Variants in PDCD10 observed in about 807,000 individuals in gnomAD.
The protein encoded by PDCD10 is programmed cell death protein 10.
PDCD10 carries 4 observed loss-of-function variants against 29.2 expected under a neutral mutation model. The observed-to-expected ratio is 0.14, with a 90% confidence interval of 0.07 to 0.31. The LOEUF (loss-of-function observed/expected upper bound fraction) is 0.31, where lower values mean the gene tolerates loss of function less well. Among genes scored for constraint, PDCD10 ranks in the 10% least tolerant of loss-of-function variants. PDCD10 has a pLI of 1.00. For synonymous variants in PDCD10, 70 were observed against 82.2 expected, an observed-to-expected ratio of 0.85 and a Z score of 0.80; for missense variants, 183 against 257.9, an observed-to-expected ratio of 0.71 and a Z score of 1.99.
intron 2 of PDCD10, among the ~76,000 whole-genome samples, chr3:167,726,828 C>A (rs185355691): frequency 8.0e-4 from 121 of 152,194 alleles, no homozygotes; most frequent in Middle Eastern, 3.4e-3. Context: ...AAAGTTTGTA[C>A]CCTAGGCATA....
intron 2 of PDCD10, among the ~76,000 whole-genome samples, chr3:167,722,632 T>C (rs1290162224): frequency 1.3e-5 from 2 of 152,126 alleles, no homozygotes; most frequent in Non-Finnish European, 2.9e-5. Flanking sequence ...GCTGGTAAGT[T>C]TTCAAGAATC....
rs1203088400 is a variant in PDCD10, at chr3:167,695,672, C to T, written c.319G>A (p.Ala107Thr). Residue 107 changes from alanine (A) to threonine (T), a missense_variant, in exon 6 of 9, where the codon GCA becomes ACA. Coordinates refer to ENST00000392750, the MANE Select transcript of PDCD10 (RefSeq NM_007217.4). ...CTGAGAATTTGTTTAAGTGCTCGTG[C>T]CTTTTCGTTTAGGTCTTGGAATTCT... ...EPEFQDLNEKARALKQILSKI... is the reference protein window; with the variant it reads ...EPEFQDLNEKTRALKQILSKI... 1 of 1,612,880 alleles carries T rather than the reference C, an allele frequency of 6.2e-7. No homozygotes were observed. Among genetic ancestry groups the T allele is most frequent in the South Asian group, 1.1e-5 (1 of 91,060 alleles).
At chr3:167,700,393 G>C (rs1448715258) in intron 4 of PDCD10, among the ~76,000 whole-genome samples, 1 of 152,004 alleles carries the variant, frequency 6.6e-6, no homozygotes, top group African/African-American at 2.4e-5. Context: ...AGTGATGTTG[G>C]AAGTGTGCTC....
chr3:167,687,767 T>C, intron 6 of PDCD10, 74 bp from the exon 7 acceptor site: 3 of 792,490 alleles, frequency 3.8e-6, no homozygotes, highest in South Asian at 1.4e-5. Flanking sequence ...TCAGCTACAT[T>C]TGAAAGAAAT....
chr3:167,687,727 T>C (rs754584968), intron 6 of PDCD10, 34 bp from the exon 7 acceptor site: 1 of 1,150,272 alleles, frequency 8.7e-7, no homozygotes, highest in Non-Finnish European at 1.3e-6. Context: ...ATCAGCTACA[T>C]TTGAAAGAAA....
intron 2 of PDCD10, among the ~76,000 whole-genome samples, chr3:167,722,206 A>G (rs899944820): frequency 2.0e-5 from 3 of 152,104 alleles, no homozygotes; most frequent in Non-Finnish European, 2.9e-5. Context: ...GCAAAACAAA[A>G]CCAAGAACAG....
At chr3:167,698,668 G>A (rs751432284) in intron 4 of PDCD10, among the ~76,000 whole-genome samples, 6 of 152,184 alleles carry the variant, frequency 3.9e-5, no homozygotes, top group Non-Finnish European at 8.8e-5. Flanking sequence ...ATATAATGTA[G>A]CATTCAGTAA....
chr3:167,688,178 T>C (rs1719833330), intron 6 of PDCD10, among the ~76,000 whole-genome samples: 1 of 152,204 alleles, frequency 6.6e-6, no homozygotes, highest in African/African-American at 2.4e-5. Flanking sequence ...GTATGCTAGA[T>C]ACCTATTAGT....
At chr3:167,725,404 T>C (rs1199035869) in intron 2 of PDCD10, 1 of 152,044 alleles carries the variant, frequency 6.6e-6, no homozygotes, top group Non-Finnish European at 1.5e-5. Flanking sequence ...TACGTACCTT[T>C]TTAGGGCTTT....
intron 2 of PDCD10, among the ~76,000 whole-genome samples, chr3:167,724,058 T>C (rs895818017): frequency 2.0e-5 from 3 of 152,152 alleles, no homozygotes; most frequent in Non-Finnish European, 4.4e-5. Flanking sequence ...CCTAACCAAC[T>C]CGAGTCTGCT....
At chr3:167,704,921 T>A (rs769512265) in intron 3 of PDCD10, 26 bp from the exon 4 acceptor site, 1 of 1,489,530 alleles carries the variant, frequency 6.7e-7, no homozygotes, top group Non-Finnish European at 9.3e-7. Context: ...TAAATTATTA[T>A]GAATATCAAC....
chr3:167,709,378 C>A (rs1020279879), intron 3 of PDCD10, among the ~76,000 whole-genome samples: 8 of 152,194 alleles, frequency 5.3e-5, no homozygotes, highest in Admixed American at 3.9e-4. Flanking sequence ...CCCCTCCCCC[C>A]ATCCCGCAAT....
At chr3:167,701,738 C>G (rs941921865) in intron 4 of PDCD10, among the ~76,000 whole-genome samples, 2 of 152,136 alleles carry the variant, frequency 1.3e-5, no homozygotes, top group African/African-American at 4.8e-5. Context: ...CCATGAAAGT[C>G]TGGAAGAATT....
At chr3:167,720,501 G>A (rs180855708) in intron 2 of PDCD10, among the ~76,000 whole-genome samples, 31 of 152,200 alleles carry the variant, frequency 2.0e-4, no homozygotes, top group African/African-American at 7.0e-4. Context: ...TCACAAAGCA[G>A]TGACTTAAGA....
In PDCD10 at chr3:167,695,780, A is replaced by G. The variant is rs901956223; in HGVS notation, c.269-58T>C. On this transcript the variant is annotated intron_variant, in intron 5 of 8. Transcript: ENST00000392750. ...TGCGACTCTCTGCCAAATTCATCAC[A>G]TCTAAGAATTTCCAATGTTGGTCAA... 3.2e-6 allele frequency: 5 copies of G among 1,547,474 alleles called. No homozygotes were observed. In the African/African-American group the frequency reaches 6.8e-5, roughly 21 times the overall value.
intron 8 of PDCD10, among the ~76,000 whole-genome samples, chr3:167,686,891 A>G (rs935772808): frequency 2.6e-5 from 4 of 152,250 alleles, no homozygotes; most frequent in African/African-American, 7.2e-5. Flanking sequence ...TTTTGTATAA[A>G]GTTTTATTAA....
At chr3:167,692,241 C>T (rs375841648) in intron 6 of PDCD10, among the ~76,000 whole-genome samples, 5 of 152,262 alleles carry the variant, frequency 3.3e-5, no homozygotes, top group South Asian at 4.1e-4. Flanking sequence ...CTATACAGGG[C>T]GAGTATCCCT....
At chr3:167,704,698 T>A (rs1721793052) in intron 4 of PDCD10, 144 bp downstream of exon 4, 1 of 632,662 alleles carries the variant, frequency 1.6e-6, no homozygotes. Context: ...GGAAGTGTTT[T>A]AAGCTTTATG....
Position 167,692,912 on chromosome 3 carries a change from C to G in PDCD10, c.395+2684G>C, listed in dbSNP as rs1199336946. 2.6e-5 allele frequency among the ~76,000 whole-genome samples: 4 copies of G among 152,136 alleles called. 1 individual carries two copies. Among genetic ancestry groups the G allele is most frequent in the East Asian group, 3.9e-4 (2 of 5,190 alleles). On this transcript the variant is annotated intron_variant, in intron 6 of 8. Transcript: ENST00000392750. ...CAGCCTGGGCGACAGAGCAAGACTC[C>G]GTCTCAAAAACAAAACAAACAAACA...
Sources: gnomAD v4.1 joint callset for allele counts (sites outside exome capture counted in the v4.1 genomes callset) on GRCh38, gnomAD v4.1.1 for gene constraint, MANE v1.5 for transcripts, NCBI Gene and HGNC (gene_info 2026-07-23, HGNC 2026-07-21) for gene names.